The following SGCZ variants were observed in gnomAD, a reference collection of about 807,000 sequenced individuals.
SGCZ encodes the protein zeta-sarcoglycan.
A neutral mutation model predicts 41.3 loss-of-function variants in SGCZ; 40 were observed. The ratio of observed to expected loss-of-function variants is 0.97; its 90% confidence interval spans 0.75 to 1.26. The LOEUF is 1.26. SGCZ is among the 50% of genes most tolerant of loss of function. The pLI is 0.00. For synonymous variants in SGCZ, 206 were observed against 137.5 expected (o/e 1.50, Z -3.49); for missense variants, 552 against 369.8 (o/e 1.49, Z -4.04).
chr8:14,843,837 A>C (rs1228455405), intron 1 of SGCZ, among the ~76,000 whole-genome samples: 1 of 151,930 alleles, frequency 6.6e-6, no homozygotes, highest in Non-Finnish European at 1.5e-5. Context: ...TCAAAAATCA[A>C]TATTACTTGG....
chr8:14,831,358 G>A (rs746496235), intron 1 of SGCZ, among the ~76,000 whole-genome samples: 6 of 152,096 alleles, frequency 3.9e-5, no homozygotes, highest in Non-Finnish European at 7.4e-5. Context: ...CACACATGCA[G>A]GCAATCAAAA....
intron 4 of SGCZ, among the ~76,000 whole-genome samples, chr8:14,173,333 A>G (rs1277080587): frequency 1.3e-5 from 2 of 152,234 alleles, no homozygotes; most frequent in South Asian, 4.1e-4. Context: ...TATTATAAAC[A>G]TGTTCAAAGA....
chr8:14,201,520 C>T (rs1408928935), intron 4 of SGCZ, among the ~76,000 whole-genome samples: 1 of 152,002 alleles, frequency 6.6e-6, no homozygotes, highest in Admixed American at 6.6e-5. Flanking sequence ...TGAAAGAAAC[C>T]ACACTCAAAG....
At chr8:14,477,190 T>C (rs1431564349) in intron 2 of SGCZ, among the ~76,000 whole-genome samples, 1 of 152,204 alleles carries the variant, frequency 6.6e-6, no homozygotes, top group Non-Finnish European at 1.5e-5. Context: ...CTGTGTAAAA[T>C]ACCTATTTAT....
At chr8:15,062,941 TAGG>T (rs1308143850) in intron 1 of SGCZ, among the ~76,000 whole-genome samples, 4 of 152,058 alleles carry the variant, frequency 2.6e-5, no homozygotes, top group East Asian at 1.9e-4. Context: ...TACTGCCTAG[TAGG>T]AGTTCTCAGA....
intron 1 of SGCZ, among the ~76,000 whole-genome samples, chr8:14,973,029 G>A (rs182204694): frequency 4.1e-4 from 63 of 152,152 alleles, no homozygotes; most frequent in African/African-American, 1.5e-3. Flanking sequence ...CAAACATTAT[G>A]AGTCCTAATT....
intron 1 of SGCZ, among the ~76,000 whole-genome samples, chr8:15,068,517 T>C (rs1216054934): frequency 5.9e-5 from 9 of 152,124 alleles, no homozygotes; most frequent in South Asian, 4.1e-4. Context: ...AAATTACAGA[T>C]GAGAATTTTG....
intron 1 of SGCZ, among the ~76,000 whole-genome samples, chr8:15,186,412 C>T (rs1800346960): frequency 6.6e-6 from 1 of 151,964 alleles, no homozygotes; most frequent in East Asian, 1.9e-4. Flanking sequence ...ACCAGACTTC[C>T]ACTCATGATC....
intron 1 of SGCZ, among the ~76,000 whole-genome samples, chr8:14,840,811 T>TA (rs138729902): frequency 0.015 from 2,321 of 152,220 alleles, 62 homozygotes; most frequent in African/African-American, 0.053. Flanking sequence ...TGAGACTTTT[T>TA]AACCTCTTAT....
chr8:14,717,320 C>T (rs1233583122), intron 1 of SGCZ, among the ~76,000 whole-genome samples: 1 of 151,996 alleles, frequency 6.6e-6, no homozygotes, highest in Non-Finnish European at 1.5e-5. Context: ...GGTACAATAC[C>T]AGGAAGCCAT....
intron 1 of SGCZ, among the ~76,000 whole-genome samples, chr8:14,912,902 GAA>G (rs1172421118): frequency 6.6e-6 from 1 of 152,054 alleles, no homozygotes; most frequent in Non-Finnish European, 1.5e-5. Context: ...ACTGGAAAAA[GAA>G]AAGACTAACA....
chr8:14,181,235 G>T (rs1282553604), intron 4 of SGCZ, among the ~76,000 whole-genome samples: 1 of 152,158 alleles, frequency 6.6e-6, no homozygotes, highest in African/African-American at 2.4e-5. Flanking sequence ...TTCCTACCTT[G>T]GGAGCTGAAA....
At chr8:14,325,551 T>C (rs1306568749) in intron 2 of SGCZ, among the ~76,000 whole-genome samples, 1 of 145,512 alleles carries the variant, frequency 6.9e-6, no homozygotes, top group Admixed American at 6.9e-5. Context: ...TATAATAGAT[T>C]ATATATAATC....
At chr8:14,464,226 T>G (rs11992504) in intron 2 of SGCZ, among the ~76,000 whole-genome samples, 1 of 151,600 alleles carries the variant, frequency 6.6e-6, no homozygotes, top group African/African-American at 2.4e-5. Flanking sequence ...TAGAATCCAC[T>G]GGTGAAGCCA....
At chr8:14,780,949 A>G (rs1800569860) in intron 1 of SGCZ, among the ~76,000 whole-genome samples, 1 of 152,216 alleles carries the variant, frequency 6.6e-6, no homozygotes, top group South Asian at 2.1e-4. Flanking sequence ...TGCCAAAGAT[A>G]CAGAGAATAA....
At chr8:15,121,189 C>T (rs1807464631) in intron 1 of SGCZ, among the ~76,000 whole-genome samples, 1 of 152,126 alleles carries the variant, frequency 6.6e-6, no homozygotes, top group Non-Finnish European at 1.5e-5. Flanking sequence ...TTTTCAAAGG[C>T]TAATTTGAAG....
At chr8:14,604,038 G>C (rs996493925) in intron 1 of SGCZ, among the ~76,000 whole-genome samples, 1 of 151,782 alleles carries the variant, frequency 6.6e-6, no homozygotes, top group South Asian at 2.1e-4. Context: ...CCCAACTAAA[G>C]CTCAACAATC....
At chr8:15,172,412 G>A (rs555293831) in intron 1 of SGCZ, among the ~76,000 whole-genome samples, 33 of 151,498 alleles carry the variant, frequency 2.2e-4, no homozygotes, top group Admixed American at 1.9e-3. Flanking sequence ...TGCCCGTCTC[G>A]GCCTCCCAAA....
intron 1 of SGCZ, among the ~76,000 whole-genome samples, chr8:14,974,726 C>G (rs1312931548): frequency 2.0e-5 from 3 of 152,136 alleles, no homozygotes; most frequent in Non-Finnish European, 4.4e-5. Flanking sequence ...ATTCTCACAA[C>G]CACCCTATGA....
Sources: allele counts gnomAD v4.1 joint callset (sites outside exome capture counted in the v4.1 genomes callset), GRCh38; gene constraint gnomAD v4.1.1; transcripts MANE v1.5; gene names NCBI Gene and HGNC (gene_info 2026-07-23, HGNC 2026-07-21).